Variants in TDP1 observed in about 807,000 individuals in gnomAD.
TDP1 encodes tyr-DNA phosphodiesterase 1.
TDP1 carries 64 observed loss-of-function variants against 81.5 expected under a neutral mutation model. The ratio of observed to expected loss-of-function variants is 0.79; its 90% CI spans 0.64 to 0.97. The LOEUF (loss-of-function observed/expected upper bound fraction) is 0.97. Among genes scored for constraint, TDP1 ranks in the 50% least tolerant of loss-of-function variants. The pLI is 0.00. For synonymous variants in TDP1, 256 were observed against 264.3 expected (o/e 0.97, Z 0.30); for missense variants, 723 against 743.8 (o/e 0.97, Z 0.33).
chr14:90,037,444 A>G (rs1887928933), intron 16 of TDP1, among the ~76,000 whole-genome samples: 1 of 152,226 alleles, frequency 6.6e-6, no homozygotes, highest in African/African-American at 2.4e-5. Flanking sequence ...GTTATAGTCT[A>G]TTAAGGAGGT....
chr14:90,025,707 A>G (rs969671306), intron 15 of TDP1, among the ~76,000 whole-genome samples: 15 of 152,244 alleles, frequency 9.9e-5, no homozygotes, highest in African/African-American at 3.6e-4. Context: ...AAATTAGACT[A>G]CGGTTCAGAA....
intron 7 of TDP1, among the ~76,000 whole-genome samples, chr14:89,978,120 T>A (rs1295236095): frequency 6.6e-6 from 1 of 152,122 alleles, no homozygotes; most frequent in African/African-American, 2.4e-5. Flanking sequence ...CATTTAGTCC[T>A]CTTTCCCACC....
At chr14:90,011,824 A>C (rs1278198830) in intron 14 of TDP1, among the ~76,000 whole-genome samples, 1 of 152,264 alleles carries the variant, frequency 6.6e-6, no homozygotes, top group Non-Finnish European at 1.5e-5. Context: ...GCAGAGCATA[A>C]AAGTTGGAAA....
At chr14:90,033,358 G>T (rs965591667) in intron 16 of TDP1, 144 bp downstream of exon 16, 1 of 701,484 alleles carries the variant, frequency 1.4e-6, no homozygotes. Flanking sequence ...TTGCCAGCCT[G>T]TCTGGGGCCT....
intron 9 of TDP1, 61 bp from the exon 10 acceptor site, chr14:89,985,069 ATT>A: frequency 1.4e-6 from 2 of 1,409,554 alleles, no homozygotes; most frequent in Non-Finnish European, 2.0e-6. Flanking sequence ...GTATTTTGTC[ATT>A]TTTTTTGGTG....
intron 14 of TDP1, among the ~76,000 whole-genome samples, chr14:90,000,669 A>C (rs1004954834): frequency 5.3e-5 from 8 of 152,144 alleles, no homozygotes; most frequent in Non-Finnish European, 1.2e-4. Flanking sequence ...ATAGGCATGA[A>C]CTACTGCACC....
intron 4 of TDP1, among the ~76,000 whole-genome samples, chr14:89,966,406 A>G (rs1892954330): frequency 6.6e-6 from 1 of 152,196 alleles, no homozygotes. Flanking sequence ...CATTTGACTC[A>G]AGTCAGCCTC....
chr14:90,024,010 G>A (rs1247294322), intron 15 of TDP1, among the ~76,000 whole-genome samples: 1 of 152,088 alleles, frequency 6.6e-6, no homozygotes, highest in African/African-American at 2.4e-5. Flanking sequence ...CACATGCTGG[G>A]CGAATCAGCT....
intron 2 of TDP1, among the ~76,000 whole-genome samples, chr14:89,958,047 C>A (rs1309192003): frequency 1.3e-5 from 2 of 152,194 alleles, no homozygotes; most frequent in Non-Finnish European, 2.9e-5. Flanking sequence ...GTTCCAAGTG[C>A]TGGCCCAGTC....
intron 14 of TDP1, among the ~76,000 whole-genome samples, chr14:90,010,869 T>G (rs1448125545): frequency 6.6e-6 from 1 of 152,182 alleles, no homozygotes; most frequent in Non-Finnish European, 1.5e-5. Flanking sequence ...AACAGTATCA[T>G]AGTTTAAAAA....
At chr14:89,993,937 C>T (rs1469687998) in intron 14 of TDP1, among the ~76,000 whole-genome samples, 2 of 152,134 alleles carry the variant, frequency 1.3e-5, no homozygotes, top group East Asian at 3.8e-4. Flanking sequence ...CATTAAGTCT[C>T]TACTGTTTAA....
chr14:89,989,130 T>A (rs1378153856), intron 11 of TDP1, 40 bp downstream of exon 11: 1 of 1,574,372 alleles, frequency 6.4e-7, no homozygotes, highest in Admixed American at 1.7e-5. Flanking sequence ...ACTTTTATTC[T>A]CTACACAGGA....
At chr14:89,993,597 A>G in intron 14 of TDP1, 114 bp downstream of exon 14, 1 of 1,503,880 alleles carries the variant, frequency 6.6e-7, no homozygotes, top group Admixed American at 2.0e-5. Context: ...ATTAGTTTTC[A>G]GTATGTTTGT....
At chr14:89,968,516 C>A (rs543376943) in intron 5 of TDP1, among the ~76,000 whole-genome samples, 7 of 152,296 alleles carry the variant, frequency 4.6e-5, no homozygotes, top group African/African-American at 1.7e-4. Context: ...CCTGGAAGTC[C>A]CACACAACAC....
chr14:90,014,186 A>G lies in TDP1; in HGVS notation c.1542-5130A>G, dbSNP rs115760685. Among the ~76,000 whole-genome samples the G allele has an allele frequency of 2.4e-3, 367 of 152,344 alleles. 1 individual carries two copies. The highest frequency in any genetic ancestry group is 8.1e-3 in the African/African-American group (337 of 41,582). The stretch of plus-strand genomic sequence containing the variant: ...CTATACAATGTTGCTAATAATCTAA[A>G]TAGGATAGATGCTTGAGACAGAAAT... On this transcript the variant is annotated intron_variant, in intron 14 of 16. Transcript: ENST00000335725.
chr14:90,010,078 A>C (rs910938407), intron 14 of TDP1, among the ~76,000 whole-genome samples: 1 of 152,262 alleles, frequency 6.6e-6, no homozygotes, highest in Non-Finnish European at 1.5e-5. Flanking sequence ...GATTTAGTAC[A>C]TAAGACATAA....
intron 2 of TDP1, among the ~76,000 whole-genome samples, chr14:89,958,944 G>A (rs1335467259): frequency 6.6e-6 from 1 of 152,186 alleles, no homozygotes; most frequent in African/African-American, 2.4e-5. Flanking sequence ...GATACCTTCT[G>A]TTGATGGTAA....
At chr14:90,003,768 C>T (rs1897386156) in intron 14 of TDP1, among the ~76,000 whole-genome samples, 2 of 152,130 alleles carry the variant, frequency 1.3e-5, no homozygotes, top group Non-Finnish European at 2.9e-5. Context: ...GCTGCCACTT[C>T]GGGAGAAAAC....
chr14:89,991,995 GT>G lies in TDP1; in HGVS notation c.1433+15del. The G allele has an allele frequency of 6.2e-7, 1 of 1,608,868 alleles. No homozygotes were observed. On this transcript the variant is annotated intron_variant, in intron 13 of 16. Coordinates refer to ENST00000335725, the MANE Select transcript of TDP1 (RefSeq NM_018319.4). ...CATTCCTATTTTCAGTAAGTAATTG[GT>G]TTAGACTGCTGCTATTGCTTCTTTA...
Sources: allele counts gnomAD v4.1 joint callset (sites outside exome capture counted in the v4.1 genomes callset), GRCh38; gene constraint gnomAD v4.1.1; transcripts MANE v1.5; gene names NCBI Gene and HGNC (gene_info 2026-07-23, HGNC 2026-07-21).